Variants in PSMA5 observed in about 807,000 individuals in gnomAD.
The protein encoded by PSMA5 is proteasome subunit alpha type-5.
A neutral mutation model predicts 34.5 loss-of-function variants in PSMA5; 3 were observed. That is an observed-to-expected ratio of 0.09 (90% confidence interval 0.04 to 0.22). The LOEUF is 0.22. Among genes scored for constraint, PSMA5 ranks in the 10% least tolerant of loss-of-function variants. The probability of loss-of-function intolerance (pLI) is 1.00; values close to 1 mark genes in which losing one functional copy is unlikely to be tolerated. For missense variants in PSMA5, 120 were observed against 286.1 expected (o/e 0.42, Z 4.19); for synonymous variants, 88 against 95.8 (o/e 0.92, Z 0.47).
rs994897479 is a variant in PSMA5, at chr1:109,400,000, G to A, written c.*2013C>T. On this transcript the variant is annotated 3_prime_UTR_variant, in exon 9 of 9. Transcript: ENST00000271308. The stretch of plus-strand genomic sequence containing the variant: ...ACACATCATGAAACCATTGCTGTTC[G>A]TAGTAAGATCACTTCTTTAACCTAA... 6.6e-6 allele frequency: 1 copy of A among 152,110 alleles called. No homozygotes were observed. Among genetic ancestry groups the A allele is most frequent in the Non-Finnish European group, 1.5e-5 (1 of 68,018 alleles). 9.4% of individuals were successfully genotyped at this position (152,110 alleles called of 1,614,324 possible).
intron 8 of PSMA5, among the ~76,000 whole-genome samples, chr1:109,406,169 G>A (rs1653751862): frequency 6.6e-6 from 1 of 152,166 alleles, no homozygotes. Flanking sequence ...TCCAAAGAGT[G>A]ACCATGAAAT....
intron 8 of PSMA5, among the ~76,000 whole-genome samples, chr1:109,408,850 C>T (rs1653888755): frequency 6.6e-6 from 1 of 152,054 alleles, no homozygotes; most frequent in Non-Finnish European, 1.5e-5. Context: ...ACCACCACGC[C>T]TGGCTAATTT....
At chr1:109,410,949 T>C (rs1490511952) in intron 7 of PSMA5, 62 bp downstream of exon 7, 1 of 1,275,208 alleles carries the variant, frequency 7.8e-7, no homozygotes, top group Non-Finnish European at 1.1e-6. Flanking sequence ...TTTGCACATT[T>C]TATTATATGT....
At chr1:109,410,041 C>T (rs763641674) in intron 7 of PSMA5, 27 bp from the exon 8 acceptor site, 4 of 1,424,462 alleles carry the variant, frequency 2.8e-6, no homozygotes, top group African/African-American at 1.4e-5. Flanking sequence ...CAAGAAGATG[C>T]CTATTAATTA....
At chr1:109,418,438 G>A (rs995890139) in intron 2 of PSMA5, among the ~76,000 whole-genome samples, 2 of 152,070 alleles carry the variant, frequency 1.3e-5, no homozygotes, top group African/African-American at 4.8e-5. Context: ...ACCTAAGCCT[G>A]CAAAATAGCT....
At position 109,399,337 on chromosome 1, in the gene PSMA5, G is replaced by T. The variant is rs1653402471; in HGVS notation, c.*2676C>A. 1 of 151,982 alleles carries T rather than the reference G, an allele frequency of 6.6e-6. No individual in the cohort carries two copies. 9.4% of individuals were successfully genotyped at this position (151,982 alleles called of 1,614,324 possible). ...GCTGATGAAAATTGGTGAACAATTT[G>T]TTCCTTTCCATAACTACTATCAGAT... On this transcript the variant is annotated 3_prime_UTR_variant, in exon 9 of 9. Coordinates refer to ENST00000271308, the MANE Select transcript of PSMA5 (RefSeq NM_002790.4).
chr1:109,404,289 C>A (rs1420834697), intron 8 of PSMA5, among the ~76,000 whole-genome samples: 4 of 151,968 alleles, frequency 2.6e-5, no homozygotes, highest in Non-Finnish European at 5.9e-5. Flanking sequence ...TTAGCCCAGG[C>A]AACAAAGTGA....
At chr1:109,416,515 C>T (rs760814243) in intron 2 of PSMA5, among the ~76,000 whole-genome samples, 36 of 152,222 alleles carry the variant, frequency 2.4e-4, no homozygotes, top group Non-Finnish European at 4.6e-4. Context: ...CATGACTATG[C>T]TTTCTGCTTT....
In PSMA5 at chr1:109,399,072, G is replaced by T. The variant is rs1653389100; in HGVS notation, c.*2941C>A. The T allele has an allele frequency of 1.3e-5, 2 of 152,140 alleles. No homozygotes were observed. Among genetic ancestry groups the T allele is most frequent in the South Asian group, 4.1e-4 (2 of 4,834 alleles). The allele number at this position is 152,140 out of a possible 1,614,324, so 9.4% of individuals were successfully genotyped here. A position where few individuals can be genotyped will look rare whatever the true frequency, so the allele number is the denominator to read the frequency against. The stretch of plus-strand genomic sequence containing the variant: ...TAAAGATTACTTTTAATTATAAACT[G>T]GCCATAAACCCAAATGAGGATATAG... On this transcript the variant is annotated 3_prime_UTR_variant, in exon 9 of 9. Transcript: ENST00000271308.
At chr1:109,403,617 G>A (rs1272781808) in intron 8 of PSMA5, among the ~76,000 whole-genome samples, 4 of 152,020 alleles carry the variant, frequency 2.6e-5, no homozygotes, top group Non-Finnish European at 5.9e-5. Flanking sequence ...GTGACAGAAA[G>A]AGGCTCTGTC....
intron 8 of PSMA5, among the ~76,000 whole-genome samples, chr1:109,402,440 A>G (rs930478098): frequency 2.0e-5 from 3 of 152,212 alleles, no homozygotes; most frequent in Non-Finnish European, 2.9e-5. Context: ...CTTTAGAAAT[A>G]TATTTGAAGT....
At chr1:109,407,593 G>A (rs1653829676) in intron 8 of PSMA5, among the ~76,000 whole-genome samples, 1 of 152,080 alleles carries the variant, frequency 6.6e-6, no homozygotes, top group Non-Finnish European at 1.5e-5. Context: ...AGTACTGATT[G>A]GTTTAATTAC....
At chr1:109,417,041 G>A (rs988939974) in intron 2 of PSMA5, among the ~76,000 whole-genome samples, 1 of 152,192 alleles carries the variant, frequency 6.6e-6, no homozygotes, top group African/African-American at 2.4e-5. Context: ...GGAGGCAGAG[G>A]TTGTAGTGAG....
intron 2 of PSMA5, 114 bp from the exon 3 acceptor site, chr1:109,415,477 T>G: frequency 8.8e-7 from 1 of 1,132,844 alleles, no homozygotes; most frequent in Non-Finnish European, 1.2e-6. Context: ...GGCCACATCT[T>G]ATAGGCAGAG....
At chr1:109,412,564 C>T (rs2100963328) in intron 4 of PSMA5, 1 of 168,588 alleles carries the variant, frequency 5.9e-6, no homozygotes, top group South Asian at 1.7e-4. Flanking sequence ...CAAATAAGTA[C>T]AAAAAATTTT....
At chr1:109,419,616 G>C (rs1309821196) in intron 2 of PSMA5, among the ~76,000 whole-genome samples, 5 of 151,834 alleles carry the variant, frequency 3.3e-5, no homozygotes, top group African/African-American at 1.2e-4. Flanking sequence ...CAGCCTGACC[G>C]ATATGGTGAA....
In PSMA5 at chr1:109,401,599, T is replaced by A. The variant is rs1653527175; in HGVS notation, c.*414A>T. The A allele has an allele frequency of 6.5e-6, 1 of 153,316 alleles. No homozygotes were observed. The highest frequency in any genetic ancestry group is 1.5e-5 in the Non-Finnish European group (1 of 68,918). 9.5% of individuals were successfully genotyped at this position (153,316 alleles called of 1,614,324 possible). A position where few individuals can be genotyped will look rare whatever the true frequency, so the allele number is the denominator to read the frequency against. On this transcript the variant is annotated 3_prime_UTR_variant, in exon 9 of 9. Transcript: ENST00000271308. ...CACTAAAACAGTTTTAGAACAGACA[T>A]CTTCATAGAATAGGGATATTAATAA...
intron 1 of PSMA5, among the ~76,000 whole-genome samples, chr1:109,423,081 G>C (rs533725741): frequency 5.3e-5 from 8 of 152,352 alleles, no homozygotes; most frequent in South Asian, 4.1e-4. Context: ...GTGAACAAAT[G>C]AATGAGATGG....
chr1:109,407,183 T>TTCAC (rs1265096013), intron 8 of PSMA5, among the ~76,000 whole-genome samples: 1 of 152,124 alleles, frequency 6.6e-6, no homozygotes, highest in Non-Finnish European at 1.5e-5. Flanking sequence ...GAGAAGGGGT[T>TTCAC]TCACCCTGTT....
Sources: allele counts gnomAD v4.1 joint callset (sites outside exome capture counted in the v4.1 genomes callset), GRCh38; gene constraint gnomAD v4.1.1; transcripts MANE v1.5; gene names NCBI Gene and HGNC (gene_info 2026-07-23, HGNC 2026-07-21).